Variants in RASSF3 observed in about 807,000 individuals in gnomAD.
The protein encoded by RASSF3 is ras association domain-containing protein 3.
Under a neutral mutation model 19.9 loss-of-function variants are expected in RASSF3, and 19 were observed. That is an observed-to-expected ratio of 0.96 (90% CI 0.67 to 1.40). The LOEUF (loss-of-function observed/expected upper bound fraction) is 1.40, where lower values mean the gene tolerates loss of function less well. Among genes scored for constraint, RASSF3 ranks in the 40% most tolerant of loss-of-function variants. The pLI is 0.00. For missense variants in RASSF3, 306 were observed against 289.8 expected, an observed-to-expected ratio of 1.06 and a Z score of -0.41; for synonymous variants, 110 against 104.2, an observed-to-expected ratio of 1.06 and a Z score of -0.34.
upstream of RASSF3, among the ~76,000 whole-genome samples, chr12:64,607,654 C>T (rs1181146858): frequency 2.0e-5 from 3 of 152,138 alleles, no homozygotes; most frequent in East Asian, 1.9e-4. Context: ...GCATTACAGG[C>T]GTGAGCCACC....
intron 1 of RASSF3, among the ~76,000 whole-genome samples, chr12:64,615,411 T>TA (rs1351252585): frequency 6.6e-6 from 1 of 152,062 alleles, no homozygotes; most frequent in Non-Finnish European, 1.5e-5. Context: ...ACCCACACTT[T>TA]AAAAAAAATT....
At chr12:64,666,066 A>G (rs1264085319) in intron 1 of RASSF3, among the ~76,000 whole-genome samples, 1 of 152,396 alleles carries the variant, frequency 6.6e-6, no homozygotes, top group East Asian at 1.9e-4. Context: ...AATGAAAGGA[A>G]AAAGTTATGT....
chr12:64,691,699 G>A (rs1868284765), intron 4 of RASSF3, 120 bp downstream of exon 4: 1 of 754,434 alleles, frequency 1.3e-6, no homozygotes, highest in African/African-American at 1.7e-5. Context: ...GGAGGGCAGG[G>A]GGATGGGAAG....
At chr12:64,687,336 G>A (rs893869294) in intron 2 of RASSF3, among the ~76,000 whole-genome samples, 32 of 152,070 alleles carry the variant, frequency 2.1e-4, no homozygotes, top group African/African-American at 6.8e-4. Context: ...AAAATAAAAA[G>A]TGAAGACCAA....
chr12:64,684,953 G>A, intron 2 of RASSF3, 59 bp downstream of exon 2: 5 of 985,104 alleles, frequency 5.1e-6, no homozygotes, highest in Non-Finnish European at 8.1e-6. Flanking sequence ...ATAAATTGTT[G>A]GTACTACAAT....
At chr12:64,677,243 C>A (rs1441859870) in intron 1 of RASSF3, among the ~76,000 whole-genome samples, 1 of 152,208 alleles carries the variant, frequency 6.6e-6, no homozygotes. Context: ...ACATGTTGCT[C>A]CTGGCTGCTC....
intron 1 of RASSF3, among the ~76,000 whole-genome samples, chr12:64,514,561 A>C (rs1182968089): frequency 2.6e-5 from 4 of 152,142 alleles, no homozygotes; most frequent in Non-Finnish European, 5.9e-5. Context: ...GATTAACATC[A>C]GGTCTGGACT....
At chr12:64,590,516 A>T (rs1421605697) in intron 2 of RASSF3, among the ~76,000 whole-genome samples, 1 of 152,184 alleles carries the variant, frequency 6.6e-6, no homozygotes, top group African/African-American at 2.4e-5. Flanking sequence ...CAACACACAT[A>T]TGTGCACGCA....
At chr12:64,584,643 C>T (rs1283025857) in intron 2 of RASSF3, among the ~76,000 whole-genome samples, 3 of 151,970 alleles carry the variant, frequency 2.0e-5, no homozygotes, top group South Asian at 2.1e-4. Flanking sequence ...AGGAAATGCA[C>T]GCAAACAAAT....
chr12:64,667,487 C>T (rs568977180), intron 1 of RASSF3, among the ~76,000 whole-genome samples: 17 of 152,242 alleles, frequency 1.1e-4, no homozygotes, highest in East Asian at 3.9e-4. Flanking sequence ...CCACTGCGCC[C>T]GGCCTATTTT....
At chr12:64,607,489 C>T (rs1322964388), upstream of RASSF3, among the ~76,000 whole-genome samples, 6 of 151,964 alleles carry the variant, frequency 3.9e-5, no homozygotes, top group Non-Finnish European at 1.5e-5. Context: ...CCTGCCTCAG[C>T]CTCCCGAATA....
upstream of RASSF3, among the ~76,000 whole-genome samples, chr12:64,530,062 CAA>C (rs1476991364): frequency 6.6e-6 from 1 of 152,116 alleles, no homozygotes; most frequent in Middle Eastern, 3.2e-3. Flanking sequence ...TCCATCACTC[CAA>C]AAGTGTCCCC....
At position 64,666,331 on chromosome 12, in the gene RASSF3, T is replaced by C. The variant is rs143229324; in HGVS notation, c.112-18456T>C. Among the ~76,000 whole-genome samples, 64 of 152,006 alleles carry C rather than the reference T, an allele frequency of 4.2e-4. 1 individual carries two copies. The East Asian group carries it at 0.012, about 29-fold the overall frequency. ...ATGAAGAAGGAAGATAATTTTCTAC[T>C]TGCTATAGATTTGAAATAGTTTTCT... On this transcript the variant is annotated intron_variant, in intron 1 of 4. Transcript: ENST00000542104.
At chr12:64,630,205 T>G (rs1871130112) in intron 1 of RASSF3, among the ~76,000 whole-genome samples, 1 of 151,820 alleles carries the variant, frequency 6.6e-6, no homozygotes, top group Non-Finnish European at 1.5e-5. Context: ...ATATGTATAA[T>G]TTTTGTCATC....
intron 1 of RASSF3, among the ~76,000 whole-genome samples, chr12:64,625,863 A>T (rs995984711): frequency 1.3e-5 from 2 of 152,170 alleles, no homozygotes; most frequent in East Asian, 3.9e-4. Context: ...TTAAAGCTCA[A>T]TGAGTCATGT....
At chr12:64,594,335 GA>G (rs981284934) in intron 2 of RASSF3, among the ~76,000 whole-genome samples, 1 of 151,496 alleles carries the variant, frequency 6.6e-6, no homozygotes, top group Non-Finnish European at 1.5e-5. Flanking sequence ...TTCTGTCTCA[GA>G]AAAAAAAGGG....
intron 1 of RASSF3, among the ~76,000 whole-genome samples, chr12:64,636,651 AGGTCAG>A (rs1194115652): frequency 6.6e-6 from 1 of 151,916 alleles, no homozygotes; most frequent in Non-Finnish European, 1.5e-5. Flanking sequence ...GGATCACCTG[AGGTCAG>A]GGGTTCGAAA....
At chr12:64,651,206 T>G (rs1296742060) in intron 1 of RASSF3, among the ~76,000 whole-genome samples, 1 of 152,146 alleles carries the variant, frequency 6.6e-6, no homozygotes, top group East Asian at 1.9e-4. Flanking sequence ...AAAAAAAAAT[T>G]TAGTTACAAC....
intron 2 of RASSF3, among the ~76,000 whole-genome samples, chr12:64,601,237 C>T (rs1870086271): frequency 1.3e-5 from 2 of 152,028 alleles, no homozygotes; most frequent in South Asian, 4.2e-4. Context: ...TATAGTGAGC[C>T]ATGATCCTGC....
Sources: allele counts gnomAD v4.1 joint callset (sites outside exome capture counted in the v4.1 genomes callset), GRCh38; gene constraint gnomAD v4.1.1; transcripts MANE v1.5; gene names NCBI Gene and HGNC (gene_info 2026-07-23, HGNC 2026-07-21).